ABCA12: variants seen among roughly 807,000 people sequenced by gnomAD.
ABCA12 encodes ATP binding cassette subfamily A member 12.
ABCA12 carries 156 observed loss-of-function variants against 293.5 expected under a neutral mutation model. The observed-to-expected ratio is 0.53, with a 90% confidence interval of 0.47 to 0.61. ABCA12 has a LOEUF of 0.61. ABCA12 is among the 20% of genes least tolerant of loss of function. ABCA12 has a pLI of 0.00. For missense variants in ABCA12, 2,797 were observed against 3,090.2 expected, an observed-to-expected ratio of 0.91 and a Z score of 2.25; for synonymous variants, 1,063 against 1,108.0, an observed-to-expected ratio of 0.96 and a Z score of 0.81.
intron 14 of ABCA12, among the ~76,000 whole-genome samples, chr2:215,016,581 T>TAAAAAA (rs1328873832): frequency 4.2e-4 from 1 of 2,382 alleles, no homozygotes; most frequent in Non-Finnish European, 8.4e-4. Context: ...TGACTCTGTC[T>TAAAAAA]CAAAAAAAAA....
chr2:215,130,759 T>C (rs1309034656), intron 1 of ABCA12, among the ~76,000 whole-genome samples: 2 of 152,162 alleles, frequency 1.3e-5, no homozygotes, highest in Non-Finnish European at 2.9e-5. Flanking sequence ...TAGCTCTAGC[T>C]AGGACTTTCA....
In ABCA12 at chr2:215,007,855, C is replaced by T. The variant is rs989404300; in HGVS notation, c.2473-9G>A. 2.5e-6 allele frequency: 4 copies of T among 1,613,512 alleles called. No individual in the cohort carries two copies. In the African/African-American group the frequency reaches 5.3e-5, roughly 22 times the overall value. On this transcript the variant is annotated splice_polypyrimidine_tract_variant and intron_variant, in intron 18 of 52. Coordinates refer to ENST00000272895, the MANE Select transcript of ABCA12 (RefSeq NM_173076.3). ...CTCAGAGTTACATTGGACTTAATGA[C>T]AAAGAAACAAAAGAAGTGTGATCCA...
Position 214,978,420 on chromosome 2 carries a change from C to A in ABCA12, c.5024G>T (p.Ser1675Ile). ...TKESQKNSAM[S>I]LEHLTQKKIG... Reference sequence around the variant, plus strand: ...TTTCTTTTGTGTTAAGTGCTCAAGACTCATAGCACTATTTTTTTGTGACTC... The same window carrying A: ...TTTCTTTTGTGTTAAGTGCTCAAGAATCATAGCACTATTTTTTTGTGACTC... The change falls in exon 33 of 53, where the codon AGT becomes ATT. Residue 1675 changes from serine (S) to isoleucine (I), a missense_variant. Ser to Ile is a moderately radical substitution (Grantham distance 142). Transcript: ENST00000272895. 1 of 1,613,776 alleles carries A rather than the reference C, an allele frequency of 6.2e-7. No individual in the cohort carries two copies. Among genetic ancestry groups the A allele is most frequent in the Non-Finnish European group, 8.5e-7 (1 of 1,179,824 alleles).
At chr2:215,134,322 G>A (rs551393983) in intron 1 of ABCA12, among the ~76,000 whole-genome samples, 15 of 140,200 alleles carry the variant, frequency 1.1e-4, no homozygotes, top group African/African-American at 4.2e-4. Context: ...GTGTATATAT[G>A]TATATATGTA....
intron 4 of ABCA12, among the ~76,000 whole-genome samples, chr2:215,053,959 C>T (rs565896345): frequency 8.5e-5 from 13 of 152,066 alleles, no homozygotes; most frequent in East Asian, 7.7e-4. Context: ...GGCTCAGAAA[C>T]GCATGTTTTG....
chr2:215,055,453 C>T (rs774108396), intron 3 of ABCA12, among the ~76,000 whole-genome samples: 1 of 151,760 alleles, frequency 6.6e-6, no homozygotes, highest in African/African-American at 2.4e-5. Context: ...TCTAAAAGCT[C>T]GTGCCTAAAA....
intron 1 of ABCA12, among the ~76,000 whole-genome samples, chr2:215,123,187 T>C (rs1702844859): frequency 6.6e-6 from 1 of 152,140 alleles, no homozygotes; most frequent in East Asian, 1.9e-4. Context: ...TTTTGTCTCT[T>C]TTTTAAGATG....
At chr2:214,948,534 G>T in intron 47 of ABCA12, 62 bp downstream of exon 47, 1 of 1,563,492 alleles carries the variant, frequency 6.4e-7, no homozygotes, top group South Asian at 1.1e-5. Context: ...GTGGTGGGGT[G>T]GGGGATGGAA....
chr2:214,965,581 G>T (rs1699236562), intron 39 of ABCA12, among the ~76,000 whole-genome samples: 1 of 152,068 alleles, frequency 6.6e-6, no homozygotes, highest in Non-Finnish European at 1.5e-5. Flanking sequence ...GGCATGAACA[G>T]ACACTTCTAA....
intron 2 of ABCA12, among the ~76,000 whole-genome samples, chr2:215,067,239 T>C (rs894468377): frequency 5.3e-5 from 8 of 152,196 alleles, no homozygotes; most frequent in Admixed American, 3.3e-4. Context: ...ACATTCCCCT[T>C]TAAGTTCCCC....
chr2:214,971,833 G>A (rs1169863043), intron 36 of ABCA12, among the ~76,000 whole-genome samples: 2 of 152,172 alleles, frequency 1.3e-5, no homozygotes, highest in Non-Finnish European at 2.9e-5. Flanking sequence ...ATATTGCCAA[G>A]TAGTTTTAAA....
chr2:214,942,755 T>G (rs573547937), intron 50 of ABCA12, among the ~76,000 whole-genome samples, 170 bp downstream of exon 50: 3 of 152,280 alleles, frequency 2.0e-5, no homozygotes, highest in African/African-American at 7.2e-5. Flanking sequence ...ATTCATCAAA[T>G]CCCCAATAAA....
At chr2:215,078,613 C>T (rs1219627333) in intron 2 of ABCA12, among the ~76,000 whole-genome samples, 1 of 152,152 alleles carries the variant, frequency 6.6e-6, no homozygotes, top group Non-Finnish European at 1.5e-5. Context: ...AGAATCATTA[C>T]TCATTCATTC....
At chr2:214,948,527 G>A in intron 47 of ABCA12, 69 bp downstream of exon 47, 1 of 1,531,644 alleles carries the variant, frequency 6.5e-7, no homozygotes, top group Non-Finnish European at 8.9e-7. Context: ...AGTGGGTGTG[G>A]TGGGGTGGGG....
In ABCA12 at chr2:215,108,896, C is replaced by T. The variant is rs561353656; in HGVS notation, c.163+2701G>A. ...AGCCTGGCCAAGATGGTGAAACCCCCGTCTCTACTAAAAATACAAAAATTA... is the reference window on the plus strand; with the variant it reads ...AGCCTGGCCAAGATGGTGAAACCCCTGTCTCTACTAAAAATACAAAAATTA... On this transcript the variant is annotated intron_variant, in intron 2 of 52. Transcript: ENST00000272895. Among the ~76,000 whole-genome samples the T allele has an allele frequency of 1.3e-4, 20 of 152,062 alleles. No homozygotes were observed. In the East Asian group the frequency reaches 3.3e-3, roughly 25 times the overall value.
At chr2:215,122,533 T>C (rs1170882019) in intron 1 of ABCA12, among the ~76,000 whole-genome samples, 2 of 152,322 alleles carry the variant, frequency 1.3e-5, no homozygotes, top group Middle Eastern at 3.4e-3. Flanking sequence ...GGTGGTAATA[T>C]GAGCAAGTTG....
chr2:214,955,128 G>T, intron 43 of ABCA12, 74 bp downstream of exon 43: 1 of 1,526,660 alleles, frequency 6.6e-7, no homozygotes, highest in Non-Finnish European at 9.0e-7. Context: ...TCTTTTTTAT[G>T]TAGAATAAAT....
intron 3 of ABCA12, among the ~76,000 whole-genome samples, chr2:215,057,403 A>G (rs1701440478): frequency 6.6e-6 from 1 of 151,996 alleles, no homozygotes; most frequent in Admixed American, 6.6e-5. Flanking sequence ...ATCAATATGG[A>G]GCTGGAGGCC....
intron 2 of ABCA12, among the ~76,000 whole-genome samples, chr2:215,095,661 C>T (rs1455269053): frequency 1.3e-5 from 2 of 152,146 alleles, no homozygotes; most frequent in Admixed American, 1.3e-4. Flanking sequence ...TATAAGAAGA[C>T]AGGAATGTCA....
Sources: gnomAD v4.1 joint callset for allele counts (sites outside exome capture counted in the v4.1 genomes callset) on GRCh38, gnomAD v4.1.1 for gene constraint, MANE v1.5 for transcripts, NCBI Gene and HGNC (gene_info 2026-07-23, HGNC 2026-07-21) for gene names.